The following LRRC4C variants were observed in gnomAD, a reference collection of about 807,000 sequenced individuals.
LRRC4C encodes leucine-rich repeat-containing protein 4C.
LRRC4C carries 5 observed loss-of-function variants against 33.6 expected under a neutral mutation model. The ratio of observed to expected loss-of-function variants is 0.15; its 90% CI spans 0.08 to 0.31. The LOEUF is 0.31. Ranked by LOEUF, LRRC4C falls within the 10% of genes least tolerant of loss-of-function variation. The probability of loss-of-function intolerance (pLI) is 1.00; values close to 1 mark genes in which losing one functional copy is unlikely to be tolerated. For missense variants in LRRC4C, 560 were observed against 796.7 expected (o/e 0.70, Z 3.58); for synonymous variants, 329 against 302.0 (o/e 1.09, Z -0.93).
chr11:41,079,690 T>G (rs1350806261), intron 1 of LRRC4C, among the ~76,000 whole-genome samples: 1 of 152,204 alleles, frequency 6.6e-6, no homozygotes, highest in African/African-American at 2.4e-5. Flanking sequence ...GTCCAACCAG[T>G]GGCCTATGGG....
chr11:40,734,756 A>G (rs943269120), intron 2 of LRRC4C, among the ~76,000 whole-genome samples: 1 of 152,172 alleles, frequency 6.6e-6, no homozygotes, highest in Non-Finnish European at 1.5e-5. Context: ...GATAATCCTG[A>G]ACAGGGAGTA....
At chr11:40,278,683 A>G (rs755228302) in intron 4 of LRRC4C, among the ~76,000 whole-genome samples, 1 of 152,198 alleles carries the variant, frequency 6.6e-6, no homozygotes. Flanking sequence ...ACCTATATAC[A>G]ATGTAGCATT....
intron 1 of LRRC4C, among the ~76,000 whole-genome samples, chr11:41,313,926 A>G (rs529183949): frequency 2.6e-5 from 4 of 152,124 alleles, no homozygotes; most frequent in Non-Finnish European, 4.4e-5. Flanking sequence ...CCATTCATCT[A>G]TTCAAATAAA....
At chr11:40,361,432 G>A (rs1241076652) in intron 3 of LRRC4C, among the ~76,000 whole-genome samples, 2 of 152,172 alleles carry the variant, frequency 1.3e-5, no homozygotes, top group African/African-American at 4.8e-5. Context: ...CAAGCTGAGA[G>A]CCAAATCACA....
chr11:40,856,948 G>A (rs1263802692), intron 2 of LRRC4C, among the ~76,000 whole-genome samples: 1 of 152,122 alleles, frequency 6.6e-6, no homozygotes, highest in African/African-American at 2.4e-5. Flanking sequence ...CTGAGGTGGA[G>A]ACAAAGGAAG....
chr11:40,682,542 G>A (rs1034282245), intron 2 of LRRC4C, among the ~76,000 whole-genome samples: 11 of 152,104 alleles, frequency 7.2e-5, no homozygotes, highest in African/African-American at 2.4e-4. Context: ...TTGGGAGGCC[G>A]AGGCAGGTAG....
At chr11:40,964,335 C>G (rs1851182460) in intron 1 of LRRC4C, among the ~76,000 whole-genome samples, 2 of 151,410 alleles carry the variant, frequency 1.3e-5, no homozygotes, top group Non-Finnish European at 1.5e-5. Flanking sequence ...AAAATAAAAA[C>G]AGACATTGAA....
At chr11:40,705,163 A>G (rs1591510956) in intron 2 of LRRC4C, among the ~76,000 whole-genome samples, 2 of 152,208 alleles carry the variant, frequency 1.3e-5, no homozygotes, top group South Asian at 4.1e-4. Flanking sequence ...CAAATTAACT[A>G]TTCAGTTGAT....
intron 1 of LRRC4C, among the ~76,000 whole-genome samples, chr11:40,993,431 T>C (rs900499289): frequency 6.6e-6 from 1 of 152,186 alleles, no homozygotes; most frequent in Non-Finnish European, 1.5e-5. Context: ...AGTGGAGTTA[T>C]TGCTTGGTTC....
chr11:40,702,809 G>A (rs993618192), intron 2 of LRRC4C, among the ~76,000 whole-genome samples: 2 of 151,428 alleles, frequency 1.3e-5, no homozygotes, highest in East Asian at 2.0e-4. Context: ...CCACTTTGAC[G>A]TCCTCCATAT....
chr11:40,777,695 A>AT (rs941694156), intron 2 of LRRC4C, among the ~76,000 whole-genome samples: 1,692 of 145,524 alleles, frequency 0.012, 24 homozygotes, highest in African/African-American at 0.038. Context: ...TATTTTTTTT[A>AT]TTTTTTTTTT....
chr11:41,241,415 A>G lies in LRRC4C; in HGVS notation c.-496+218016T>C, dbSNP rs1413318600. Among the ~76,000 whole-genome samples the G allele has an allele frequency of 2.6e-5, 4 of 152,102 alleles. No homozygotes were observed. In the East Asian group the frequency reaches 7.7e-4, roughly 29 times the overall value. ...GTGTGGGAAATGTTGGTAAAGAAACAGTGAGTCCAGAGGTATGTCCAGGTC... is the reference window on the plus strand; with the variant it reads ...GTGTGGGAAATGTTGGTAAAGAAACGGTGAGTCCAGAGGTATGTCCAGGTC... On this transcript the variant is annotated intron_variant, in intron 1 of 6. Coordinates refer to ENST00000528697, the MANE Select transcript of LRRC4C (RefSeq NM_001258419.2).
At chr11:41,403,082 C>A (rs370855972) in intron 1 of LRRC4C, among the ~76,000 whole-genome samples, 5 of 151,980 alleles carry the variant, frequency 3.3e-5, no homozygotes, top group African/African-American at 1.2e-4. Flanking sequence ...GTCATCTGAA[C>A]AAGAGTGCTG....
At chr11:40,887,628 C>T (rs1418875365) in intron 2 of LRRC4C, among the ~76,000 whole-genome samples, 2 of 151,942 alleles carry the variant, frequency 1.3e-5, no homozygotes, top group African/African-American at 4.8e-5. Context: ...TTGACGAATA[C>T]ATTGCCAAGG....
chr11:40,768,847 G>A (rs1328879426), intron 2 of LRRC4C, among the ~76,000 whole-genome samples: 1 of 152,028 alleles, frequency 6.6e-6, no homozygotes, highest in African/African-American at 2.4e-5. Flanking sequence ...CACAATAAAA[G>A]CCACATATGA....
intron 2 of LRRC4C, among the ~76,000 whole-genome samples, chr11:40,857,179 G>T (rs1353415433): frequency 6.6e-6 from 1 of 152,110 alleles, no homozygotes; most frequent in African/African-American, 2.4e-5. Flanking sequence ...CTTGTTATTT[G>T]TTTAGGACCA....
intron 2 of LRRC4C, among the ~76,000 whole-genome samples, chr11:40,766,315 G>T (rs1392472341): frequency 8.6e-6 from 1 of 116,714 alleles, no homozygotes; most frequent in African/African-American, 3.3e-5. Flanking sequence ...TACCAGAACT[G>T]TCCTACAAGA....
intron 3 of LRRC4C, among the ~76,000 whole-genome samples, chr11:40,506,610 A>G (rs1955046643): frequency 6.6e-6 from 1 of 152,092 alleles, no homozygotes; most frequent in African/African-American, 2.4e-5. Context: ...AATCATGAAA[A>G]TCTTCATTTA....
intron 5 of LRRC4C, among the ~76,000 whole-genome samples, chr11:40,235,915 A>G (rs1248701557): frequency 2.6e-5 from 4 of 152,146 alleles, no homozygotes. Context: ...TCAATTGCCT[A>G]TGCTTTGCTG....
Sources: allele counts gnomAD v4.1 joint callset (sites outside exome capture counted in the v4.1 genomes callset), GRCh38; gene constraint gnomAD v4.1.1; transcripts MANE v1.5; gene names NCBI Gene and HGNC (gene_info 2026-07-23, HGNC 2026-07-21).